DPP10: variants seen among roughly 807,000 people sequenced by gnomAD.
DPP10 encodes the protein dipeptidyl peptidase like 10, also known as inactive dipeptidyl peptidase 10.
Under a neutral mutation model 120.9 loss-of-function variants are expected in DPP10, and 33 were observed. That is an observed-to-expected ratio of 0.27 (90% confidence interval 0.21 to 0.37). The LOEUF is 0.37. DPP10 is among the 10% of genes least tolerant of loss of function. The pLI, the probability that DPP10 is intolerant of heterozygous loss-of-function variation, is 1.00. For synonymous variants in DPP10, 337 were observed against 326.1 expected (o/e 1.03, Z -0.36); for missense variants, 816 against 942.8 (o/e 0.87, Z 1.76).
At chr2:115,131,089 C>T (rs141886282) in intron 1 of DPP10, 1 of 152,316 alleles carries the variant, frequency 6.6e-6, no homozygotes, top group East Asian at 1.9e-4. Context: ...CTACCAAAAG[C>T]AAGGAAGGGC....
intron 1 of DPP10, among the ~76,000 whole-genome samples, chr2:115,226,135 T>C (rs982300716): frequency 6.6e-6 from 1 of 152,190 alleles, no homozygotes; most frequent in East Asian, 1.9e-4. Context: ...TTCTCATTAG[T>C]CTGGATTGCA....
Position 115,311,526 on chromosome 2 carries a change from T to A in DPP10, c.175+2173T>A, listed in dbSNP as rs1487182010. 9.2e-5 allele frequency among the ~76,000 whole-genome samples: 14 copies of A among 152,322 alleles called. No individual in the cohort carries two copies. The East Asian group carries it at 2.7e-3, about 29-fold the overall frequency. ...CAAAATATTTAACCTGAAGTTAGTC[T>A]CCTGGGGTCAAATTATTCATGCATT... On this transcript the variant is annotated intron_variant, in intron 2 of 25. Coordinates refer to ENST00000410059, the MANE Select transcript of DPP10 (RefSeq NM_020868.6).
intron 5 of DPP10, among the ~76,000 whole-genome samples, chr2:115,532,628 G>C (rs2078539599): frequency 6.6e-6 from 1 of 151,850 alleles, no homozygotes; most frequent in South Asian, 2.1e-4. Context: ...CTTTACAACT[G>C]TTTCTCAAAA....
At chr2:115,837,945 G>A (rs1255506592) in intron 24 of DPP10, among the ~76,000 whole-genome samples, 1 of 151,786 alleles carries the variant, frequency 6.6e-6, no homozygotes, top group Non-Finnish European at 1.5e-5. Flanking sequence ...GGAACAGAAA[G>A]GGTACACAGG....
chr2:114,984,132 T>C (rs1309406200), intron 1 of DPP10, among the ~76,000 whole-genome samples: 1 of 152,212 alleles, frequency 6.6e-6, no homozygotes, highest in African/African-American at 2.4e-5. Flanking sequence ...TACTTATTTC[T>C]TTCATAGTCT....
Position 114,689,009 on chromosome 2 carries a change from T to C in DPP10, c.60+246171T>C, listed in dbSNP as rs539340724. Among the ~76,000 whole-genome samples, 8 of 152,080 alleles carry C rather than the reference T, an allele frequency of 5.3e-5. No homozygotes were observed. In the East Asian group the frequency reaches 1.2e-3, roughly 22 times the overall value. On this transcript the variant is annotated intron_variant, in intron 1 of 25. Transcript: ENST00000410059. Reference sequence around the variant, plus strand: ...AACATTCCAGGTTAATACTCATTCATGTATTTATTGCTCAGTCCAGCTTCC... The same window carrying C: ...AACATTCCAGGTTAATACTCATTCACGTATTTATTGCTCAGTCCAGCTTCC...
At chr2:114,679,817 T>C (rs1367485882) in intron 1 of DPP10, among the ~76,000 whole-genome samples, 1 of 151,990 alleles carries the variant, frequency 6.6e-6, no homozygotes, top group Non-Finnish European at 1.5e-5. Flanking sequence ...CTTAAAATTT[T>C]TAAGAATTGA....
At chr2:114,824,417 A>G (rs1686353138) in intron 1 of DPP10, among the ~76,000 whole-genome samples, 3 of 152,288 alleles carry the variant, frequency 2.0e-5, no homozygotes, top group South Asian at 4.1e-4. Flanking sequence ...CAAAATGACA[A>G]TGGTAATGAG....
chr2:114,897,568 A>G (rs1482809729), intron 1 of DPP10, among the ~76,000 whole-genome samples: 4 of 152,086 alleles, frequency 2.6e-5, no homozygotes, highest in East Asian at 1.9e-4. Flanking sequence ...GCAACCTACA[A>G]AATGGGAGAA....
At chr2:114,971,861 G>C (rs1220190732) in intron 1 of DPP10, among the ~76,000 whole-genome samples, 4 of 152,106 alleles carry the variant, frequency 2.6e-5, no homozygotes, top group South Asian at 2.1e-4. Context: ...AGACATTCAT[G>C]TTTTGTTCAT....
intron 3 of DPP10, among the ~76,000 whole-genome samples, chr2:115,357,819 T>G (rs1574543688): frequency 6.6e-6 from 1 of 152,138 alleles, no homozygotes; most frequent in Non-Finnish European, 1.5e-5. Flanking sequence ...CAAAACTCAA[T>G]TTTTGTTTTC....
chr2:115,635,665 G>C (rs894150102), intron 5 of DPP10, among the ~76,000 whole-genome samples: 43 of 152,184 alleles, frequency 2.8e-4, no homozygotes, highest in Non-Finnish European at 1.5e-5. Flanking sequence ...AGGTTATTTG[G>C]AGAGGATCTT....
intron 5 of DPP10, among the ~76,000 whole-genome samples, chr2:115,613,447 G>A (rs1397875132): frequency 6.6e-6 from 1 of 152,068 alleles, no homozygotes; most frequent in Non-Finnish European, 1.5e-5. Flanking sequence ...TCAGTTCTTG[G>A]CCTTAATGCC....
At chr2:114,812,583 G>GACACACACACACACACACACACAC (rs3036385) in intron 1 of DPP10, among the ~76,000 whole-genome samples, 15 of 134,458 alleles carry the variant, frequency 1.1e-4, no homozygotes, top group African/African-American at 2.6e-4. Flanking sequence ...GTGAGACATT[G>GACACACACACACACACACACACAC]ACACACACAC....
At chr2:114,690,963 T>C (rs1417198329) in intron 1 of DPP10, among the ~76,000 whole-genome samples, 1 of 152,080 alleles carries the variant, frequency 6.6e-6, no homozygotes, top group Admixed American at 6.6e-5. Context: ...TAAGAAACTT[T>C]TGGGCTGAGA....
chr2:114,997,700 G>T (rs142741703), intron 1 of DPP10, among the ~76,000 whole-genome samples: 1 of 152,280 alleles, frequency 6.6e-6, no homozygotes, highest in African/African-American at 2.4e-5. Flanking sequence ...AAATAGGGAT[G>T]AGTGTTATTG....
chr2:115,258,121 A>G (rs1172889058), intron 1 of DPP10, among the ~76,000 whole-genome samples: 1 of 152,334 alleles, frequency 6.6e-6, no homozygotes, highest in East Asian at 1.9e-4. Flanking sequence ...CATCAAGGAA[A>G]CAAACACACT....
chr2:114,455,156 T>TTTTGTGTGTGTG (rs1553443770), intron 1 of DPP10, among the ~76,000 whole-genome samples: 320 of 147,486 alleles, frequency 2.2e-3, no homozygotes, highest in African/African-American at 7.5e-3. Flanking sequence ...TTTCTTTCTA[T>TTTTGTGTGTGTG]TGTGTGTGTG....
chr2:114,806,762 C>A (rs911597910), intron 1 of DPP10, among the ~76,000 whole-genome samples: 2 of 152,138 alleles, frequency 1.3e-5, no homozygotes, highest in African/African-American at 4.8e-5. Context: ...TAATGTCAGA[C>A]AATAGTGTCA....
Sources: allele counts gnomAD v4.1 joint callset (sites outside exome capture counted in the v4.1 genomes callset), GRCh38; gene constraint gnomAD v4.1.1; transcripts MANE v1.5; gene names NCBI Gene and HGNC (gene_info 2026-07-23, HGNC 2026-07-21).